Variants in PTAR1 observed in about 807,000 individuals in gnomAD.
PTAR1 encodes protein prenyltransferase alpha subunit repeat-containing protein 1.
PTAR1 carries 17 observed loss-of-function variants against 45.5 expected under a neutral mutation model. That is an observed-to-expected ratio of 0.37 (90% CI 0.26 to 0.56). The LOEUF is 0.56. PTAR1 is among the 20% of genes least tolerant of loss of function. The probability of loss-of-function intolerance (pLI) is 0.77; values close to 1 mark genes in which losing one functional copy is unlikely to be tolerated. For missense variants in PTAR1, 391 were observed against 476.3 expected, an observed-to-expected ratio of 0.82 and a Z score of 1.67; for synonymous variants, 169 against 171.3, an observed-to-expected ratio of 0.99 and a Z score of 0.11.
intron 2 of PTAR1, among the ~76,000 whole-genome samples, chr9:69,748,702 A>G (rs1320604085): frequency 6.6e-6 from 1 of 152,050 alleles, no homozygotes; most frequent in Non-Finnish European, 1.5e-5. Flanking sequence ...AAGGTGTAGC[A>G]TTTTCATGAA....
intron 3 of PTAR1, among the ~76,000 whole-genome samples, chr9:69,740,439 T>C (rs1318403065): frequency 1.3e-5 from 2 of 152,102 alleles, no homozygotes; most frequent in African/African-American, 4.8e-5. Flanking sequence ...TGTACCTATC[T>C]ATGCATATAT....
intron 2 of PTAR1, among the ~76,000 whole-genome samples, chr9:69,743,259 G>GT (rs1761300011): frequency 6.6e-6 from 1 of 152,112 alleles, no homozygotes; most frequent in African/African-American, 2.4e-5. Flanking sequence ...CAATTAGCAT[G>GT]TGGCAAAGTC....
In PTAR1 at chr9:69,723,585, G is replaced by C. The variant is rs539470866; in HGVS notation, c.688C>G (p.His230Asp). 1 of 1,613,688 alleles carries C rather than the reference G, an allele frequency of 6.2e-7. No individual in the cohort carries two copies. Among genetic ancestry groups the C allele is most frequent in the Admixed American group, 1.7e-5 (1 of 60,012 alleles). ...TGAAATCCACTGTGGTCTGAAACGT[G>C]CATAGATGCCCAATGTTTAGTAGAA... ...LSSTKHWASMHVSDHSGFHYR... is the reference protein window; with the variant it reads ...LSSTKHWASMDVSDHSGFHYR... The change falls in exon 6 of 8, where the codon CAC becomes GAC. Residue 230 changes from histidine to aspartate, a missense_variant. This residue lies in a region of PTAR1 where 181 missense variants were observed against 227.7 expected (regional missense o/e 0.80). Coordinates refer to ENST00000340434, the MANE Select transcript of PTAR1 (RefSeq NM_001099666.2).
intron 3 of PTAR1, among the ~76,000 whole-genome samples, chr9:69,735,670 T>A (rs1279381738): frequency 6.6e-6 from 1 of 152,124 alleles, no homozygotes; most frequent in Non-Finnish European, 1.5e-5. Context: ...TCTCAATGTA[T>A]CTATAATTTT....
At chr9:69,735,156 T>C (rs1047164399) in intron 3 of PTAR1, among the ~76,000 whole-genome samples, 2 of 152,172 alleles carry the variant, frequency 1.3e-5, no homozygotes, top group Non-Finnish European at 2.9e-5. Context: ...GCAGAAGTAA[T>C]AGCAATGTAA....
rs1018954336 is a variant in PTAR1, at chr9:69,716,632, A to G, written c.*1710T>C. 1 of 152,150 alleles carries G rather than the reference A, an allele frequency of 6.6e-6. No homozygotes were observed. The highest frequency in any genetic ancestry group is 1.5e-5 in the Non-Finnish European group (1 of 68,034). The allele number at this position is 152,150 out of a possible 1,614,324, so 9.4% of individuals were successfully genotyped here. A position where few individuals can be genotyped will look rare whatever the true frequency, so the allele number is the denominator to read the frequency against. On this transcript the variant is annotated 3_prime_UTR_variant, in exon 8 of 8. Transcript: ENST00000340434. Reference sequence around the variant, plus strand: ...TGAGAGAGAGGTTTACTTTCCCTACATCTTTATCCCCACTTTACAAATTAC... The same window carrying G: ...TGAGAGAGAGGTTTACTTTCCCTACGTCTTTATCCCCACTTTACAAATTAC...
At chr9:69,750,316 C>T (rs1588483405) in intron 2 of PTAR1, among the ~76,000 whole-genome samples, 1 of 152,066 alleles carries the variant, frequency 6.6e-6, no homozygotes, top group African/African-American at 2.4e-5. Flanking sequence ...CCATAAATCA[C>T]TGGGCTGGTT....
At chr9:69,758,554 G>A in intron 1 of PTAR1, 1 of 204,982 alleles carries the variant, frequency 4.9e-6, no homozygotes, top group South Asian at 6.5e-5. Flanking sequence ...GCAGTCATAA[G>A]GGGGAGGGAA....
At chr9:69,732,739 G>C (rs779433399) in intron 4 of PTAR1, among the ~76,000 whole-genome samples, 6 of 152,074 alleles carry the variant, frequency 3.9e-5, no homozygotes, top group Non-Finnish European at 7.4e-5. Context: ...AAGGAGTCAT[G>C]ATTCACATCT....
chr9:69,741,622 C>T, intron 3 of PTAR1, 170 bp downstream of exon 3: 2 of 558,852 alleles, frequency 3.6e-6, no homozygotes, highest in Non-Finnish European at 6.4e-6. Context: ...AGACACCACA[C>T]AAAAAGGGGC....
chr9:69,734,352 C>T (rs554397029), intron 3 of PTAR1, 98 bp from the exon 4 acceptor site: 34 of 531,868 alleles, frequency 6.4e-5, no homozygotes, highest in African/African-American at 3.2e-4. Context: ...CATTGTGAAG[C>T]GAATGTCTAA....
chr9:69,713,780 A>C lies in PTAR1; in HGVS notation c.*4562T>G, dbSNP rs948555757. 6.6e-6 allele frequency: 1 copy of C among 152,116 alleles called. No individual in the cohort carries two copies. The highest frequency in any genetic ancestry group is 1.5e-5 in the Non-Finnish European group (1 of 68,000). 9.4% of individuals were successfully genotyped at this position (152,116 alleles called of 1,614,324 possible). On this transcript the variant is annotated 3_prime_UTR_variant, in exon 8 of 8. Coordinates refer to ENST00000340434, the MANE Select transcript of PTAR1 (RefSeq NM_001099666.2). ...CCAAAACGTTAGTTGCCAGAAAGAA[A>C]GAACTAAATCTTGGTAGGGTGCTTA...
chr9:69,718,196 ATG>A lies in PTAR1; in HGVS notation c.*144_*145del. ...GCCAGTTATTAACAAAATAAATAAAATGAAAGATTTACTATGGACTTTCAACC... is the reference window on the plus strand; with the variant it reads ...GCCAGTTATTAACAAAATAAATAAAAAAAGATTTACTATGGACTTTCAACC... On this transcript the variant is annotated 3_prime_UTR_variant, in exon 8 of 8. Transcript: ENST00000340434. 1.9e-6 allele frequency: 1 copy of A among 537,804 alleles called. No homozygotes were observed. The highest frequency in any genetic ancestry group is 3.2e-6 in the Non-Finnish European group (1 of 310,808). 33.3% of individuals were successfully genotyped at this position (537,804 alleles called of 1,614,324 possible). A position where few individuals can be genotyped will look rare whatever the true frequency, so the allele number is the denominator to read the frequency against.
chr9:69,717,637 G>A lies in PTAR1; in HGVS notation c.*705C>T, dbSNP rs188120236. 1.3e-5 allele frequency: 2 copies of A among 152,266 alleles called. No homozygotes were observed. Among genetic ancestry groups the A allele is most frequent in the East Asian group, 3.9e-4 (2 of 5,186 alleles). The allele number at this position is 152,266 out of a possible 1,614,324, so 9.4% of individuals were successfully genotyped here. ...TAAACATTCGCCCATCTAGCCATTT[G>A]ATTCTCAAAACAATTACATCAAGTT... On this transcript the variant is annotated 3_prime_UTR_variant, in exon 8 of 8. Transcript: ENST00000340434.
At chr9:69,734,725 A>AG (rs1200056207) in intron 3 of PTAR1, among the ~76,000 whole-genome samples, 2 of 152,262 alleles carry the variant, frequency 1.3e-5, no homozygotes, top group East Asian at 3.9e-4. Flanking sequence ...TTGAGATGTA[A>AG]GGGAAAAAAA....
chr9:69,758,139 T>G (rs1826876211), intron 1 of PTAR1: 1 of 152,324 alleles, frequency 6.6e-6, no homozygotes, highest in Admixed American at 6.5e-5. Flanking sequence ...CTTTAAGAGT[T>G]TCCATAAATG....
chr9:69,731,522 C>T (rs1173881898), intron 5 of PTAR1, among the ~76,000 whole-genome samples: 1 of 152,236 alleles, frequency 6.6e-6, no homozygotes, highest in Non-Finnish European at 1.5e-5. Flanking sequence ...AAATCTCCAT[C>T]TCCTCATTTC....
chr9:69,733,119 T>C (rs1473661707), intron 4 of PTAR1, among the ~76,000 whole-genome samples: 1 of 152,190 alleles, frequency 6.6e-6, no homozygotes, highest in Non-Finnish European at 1.5e-5. Flanking sequence ...TAATGGAATT[T>C]CTTATTTAAC....
chr9:69,717,551 A>G lies in PTAR1; in HGVS notation c.*791T>C, dbSNP rs899271066. 6.6e-6 allele frequency: 1 copy of G among 152,190 alleles called. No individual in the cohort carries two copies. The highest frequency in any genetic ancestry group is 1.9e-4 in the East Asian group (1 of 5,200). 9.4% of individuals were successfully genotyped at this position (152,190 alleles called of 1,614,324 possible). On this transcript the variant is annotated 3_prime_UTR_variant, in exon 8 of 8. Transcript: ENST00000340434. The stretch of plus-strand genomic sequence containing the variant: ...AAGCATTTTTTTCATATAAATTCCA[A>G]TACTTCTGACTTTGGTAATTGGGTA...
Sources: allele counts gnomAD v4.1 joint callset (sites outside exome capture counted in the v4.1 genomes callset), GRCh38; gene constraint gnomAD v4.1.1; regional missense constraint gnomAD v4.1.1; transcripts MANE v1.5; gene names NCBI Gene and HGNC (gene_info 2026-07-23, HGNC 2026-07-21).